NUP58: variants seen among roughly 807,000 people sequenced by gnomAD.
NUP58 encodes the protein nucleoporin 58, also known as nucleoporin p58/p45.
NUP58 carries 17 observed loss-of-function variants against 70.1 expected under a neutral mutation model. That is an observed-to-expected ratio of 0.24 (90% confidence interval 0.17 to 0.36). The LOEUF is 0.36. NUP58 is among the 10% of genes least tolerant of loss of function. The pLI, the probability that NUP58 is intolerant of heterozygous loss-of-function variation, is 1.00. For synonymous variants in NUP58, 275 were observed against 257.6 expected (o/e 1.07, Z -0.65); for missense variants, 644 against 701.5 (o/e 0.92, Z 0.93).
At chr13:25,347,149 A>G (rs2032060256), downstream of NUP58, among the ~76,000 whole-genome samples, 1 of 152,202 alleles carries the variant, frequency 6.6e-6, no homozygotes, top group African/African-American at 2.4e-5. Context: ...GACCCTTCAC[A>G]TGAGGTCAGA....
At chr13:25,309,352 C>G in intron 3 of NUP58, 70 bp downstream of exon 3, 1 of 1,143,586 alleles carries the variant, frequency 8.7e-7, no homozygotes, top group Admixed American at 2.0e-5. Flanking sequence ...AGTGATCTTT[C>G]TACTCTTCTC....
intron 7 of NUP58, among the ~76,000 whole-genome samples, chr13:25,319,912 G>T (rs2031109248): frequency 6.6e-6 from 1 of 152,072 alleles, no homozygotes; most frequent in African/African-American, 2.4e-5. Flanking sequence ...TTTAAATGAA[G>T]AAGATTAGAG....
intron 15 of NUP58, among the ~76,000 whole-genome samples, chr13:25,339,613 C>T (rs2031894188): frequency 1.3e-5 from 2 of 152,282 alleles, no homozygotes; most frequent in East Asian, 1.9e-4. Flanking sequence ...GTGAATGTCT[C>T]TCTTCTACAT....
chr13:25,303,321 TTA>T (rs2030127598), intron 1 of NUP58, among the ~76,000 whole-genome samples: 1 of 152,234 alleles, frequency 6.6e-6, no homozygotes, highest in African/African-American at 2.4e-5. Flanking sequence ...GCCCATCTTT[TTA>T]TTTTAGCTAT....
At chr13:25,338,530 A>T in intron 14 of NUP58, 106 bp from the exon 15 acceptor site, 1 of 712,338 alleles carries the variant, frequency 1.4e-6, no homozygotes. Flanking sequence ...CATGTTTTTC[A>T]GCACTGTATC....
At chr13:25,322,655 G>T (rs898092500) in intron 9 of NUP58, among the ~76,000 whole-genome samples, 1 of 152,058 alleles carries the variant, frequency 6.6e-6, no homozygotes, top group Admixed American at 6.5e-5. Flanking sequence ...TTTAAATTTG[G>T]GTTCTATCCC....
At chr13:25,343,812 TATATATATATATATACAC>T (rs1356072029), downstream of NUP58, among the ~76,000 whole-genome samples, 3 of 145,960 alleles carry the variant, frequency 2.1e-5, no homozygotes, top group African/African-American at 5.1e-5. Context: ...TATGTATATA[TATATATATATATATACAC>T]ATATATATAT....
intron 1 of NUP58, chr13:25,302,978 A>G (rs1419909755): frequency 4.4e-6 from 2 of 456,546 alleles, no homozygotes; most frequent in Middle Eastern, 3.2e-4. Flanking sequence ...TATTTATTGG[A>G]CAGATTCCCA....
exon 4 of NUP58, chr13:25,349,686 T>G (rs1289018828): frequency 6.6e-6 from 1 of 152,664 alleles, no homozygotes; most frequent in Non-Finnish European, 1.5e-5. Flanking sequence ...AAGGAACTTC[T>G]AATTCTCATT....
intron 6 of NUP58, among the ~76,000 whole-genome samples, chr13:25,319,040 A>G (rs1162087753): frequency 1.3e-5 from 2 of 152,162 alleles, no homozygotes; most frequent in Admixed American, 1.3e-4. Context: ...TCTTCATAAA[A>G]TGCTTTGCTT....
rs760570944 is a variant in NUP58, at chr13:25,320,481, A to G, written c.711-49A>G. The G allele has an allele frequency of 1.3e-5, 18 of 1,373,018 alleles. No individual in the cohort carries two copies. In the Admixed American group the frequency reaches 1.7e-4, roughly 13 times the overall value. 85.1% of individuals were successfully genotyped at this position (1,373,018 alleles called of 1,614,324 possible). ...ATACTCTATTAAAACTCAGCTGTCA[A>G]CTTTTTAAAATCTCAATGACCTTAA... On this transcript the variant is annotated intron_variant, in intron 7 of 15. Coordinates refer to ENST00000381736, the MANE Select transcript of NUP58 (RefSeq NM_014089.4).
At position 25,327,475 on chromosome 13, in the gene NUP58, T is replaced by C. The variant is rs1277600614; in HGVS notation, c.1196T>C (p.Leu399Ser). The C allele has an allele frequency of 1.2e-6, 2 of 1,611,162 alleles. No homozygotes were observed. Among genetic ancestry groups the C allele is most frequent in the Non-Finnish European group, 1.7e-6 (2 of 1,178,698 alleles). The change falls in exon 12 of 16, where the codon TTA becomes TCA. Residue 399 changes from leucine (L) to serine (S), a missense_variant. Transcript: ENST00000381736. ...MQKIYQTFVALAAQLQSIHEN... is the reference protein window; with the variant it reads ...MQKIYQTFVASAAQLQSIHEN... ...AAAATTTATCAAACATTTGTAGCTT[T>C]AGCGGCACAACTTCAGTCTATTCAT... is the stretch of plus-strand genomic sequence containing the variant.
chr13:25,303,231 A>T (rs1377804890), intron 1 of NUP58: 2 of 396,262 alleles, frequency 5.0e-6, no homozygotes, highest in Admixed American at 7.0e-5. Flanking sequence ...TTTAAAAAAG[A>T]AAAAAAAACT....
chr13:25,321,290 AAT>A (rs2031175395), intron 9 of NUP58, among the ~76,000 whole-genome samples, 197 bp downstream of exon 9: 1 of 152,202 alleles, frequency 6.6e-6, no homozygotes, highest in South Asian at 2.1e-4. Flanking sequence ...TATCCTAAGC[AAT>A]TTATATCTGT....
chr13:25,337,584 T>A (rs2031829435), intron 14 of NUP58, among the ~76,000 whole-genome samples: 1 of 152,186 alleles, frequency 6.6e-6, no homozygotes, highest in Non-Finnish European at 1.5e-5. Flanking sequence ...GTAAGTCCTC[T>A]GCAAAAACAT....
In NUP58 at chr13:25,319,346, C is replaced by T. The variant is rs1283675907; in HGVS notation, c.706C>T (p.Pro236Ser). 1 of 1,612,354 alleles carries T rather than the reference C, an allele frequency of 6.2e-7. No individual in the cohort carries two copies. Among genetic ancestry groups the T allele is most frequent in the Non-Finnish European group, 8.5e-7 (1 of 1,178,912 alleles). Residue 236 changes from proline to serine, a missense_variant, in exon 7 of 16, where the codon CCA becomes TCA. Physicochemically the swap from Pro to Ser is moderately conservative, Grantham distance 74. Around this residue, in one of 4 missense-constraint regions of NUP58, gnomAD observed 430 missense variants for 409.2 expected, o/e 1.05. Coordinates refer to ENST00000381736, the MANE Select transcript of NUP58 (RefSeq NM_014089.4). ...DKKSDKTGTR[P>S]EDSKALKDEN... is the part of the protein sequence containing the mutation. ...TCTAGGTGATAAAACGGGAACAAGA[C>T]CAGAGTAAGTTTACAAATTTACCCT...
At chr13:25,336,022 C>A in intron 13 of NUP58, 1 of 1,155,060 alleles carries the variant, frequency 8.7e-7, no homozygotes. Context: ...AAGTTTGATG[C>A]TATTCTTGCC....
At chr13:25,332,494 TTCTG>T (rs1221168876) in intron 13 of NUP58, 83 of 984,212 alleles carry the variant, frequency 8.4e-5, no homozygotes, top group Non-Finnish European at 9.3e-5. Context: ...GCATGTGTCT[TTCTG>T]AGAGTTCCAT....
chr13:25,315,914 C>T (rs939386570), intron 6 of NUP58, among the ~76,000 whole-genome samples: 1 of 152,144 alleles, frequency 6.6e-6, no homozygotes, highest in African/African-American at 2.4e-5. Flanking sequence ...TGCTTATAAG[C>T]TCTCTGACCT....
Sources: allele counts gnomAD v4.1 joint callset (sites outside exome capture counted in the v4.1 genomes callset), GRCh38; gene constraint gnomAD v4.1.1; regional missense constraint gnomAD v4.1.1; transcripts MANE v1.5; gene names NCBI Gene and HGNC (gene_info 2026-07-23, HGNC 2026-07-21).